MFN1: variants seen among roughly 807,000 people sequenced by gnomAD.
The protein encoded by MFN1 is mitofusin 1, also known as mitofusin-1.
MFN1 carries 65 observed loss-of-function variants against 92.4 expected under a neutral mutation model. The observed-to-expected ratio is 0.70, with a 90% CI of 0.58 to 0.86. The LOEUF (loss-of-function observed/expected upper bound fraction) is 0.86, where lower values mean the gene tolerates loss of function less well. Ranked by LOEUF, MFN1 falls within the 40% of genes least tolerant of loss-of-function variation. The pLI, the probability that MFN1 is intolerant of heterozygous loss-of-function variation, is 0.00. For synonymous variants in MFN1, 297 were observed against 300.9 expected, an observed-to-expected ratio of 0.99 and a Z score of 0.13; for missense variants, 781 against 868.0, an observed-to-expected ratio of 0.90 and a Z score of 1.26.
At chr3:179,385,540 CT>C in intron 14 of MFN1, 28 bp from the exon 15 acceptor site, 1 of 1,516,756 alleles carries the variant, frequency 6.6e-7, no homozygotes, top group Non-Finnish European at 8.7e-7. Context: ...TAAGTGTAAT[CT>C]TTTTTCCTTT....
rs886688952 is a variant in MFN1 at position 179,393,412 on chromosome 3, T to A, written c.*1353T>A. 2.0e-5 allele frequency: 3 copies of A among 152,074 alleles called. No individual in the cohort carries two copies. The highest frequency in any genetic ancestry group is 7.2e-5 in the African/African-American group (3 of 41,390). 9.4% of individuals were successfully genotyped at this position (152,074 alleles called of 1,614,324 possible). A position where few individuals can be genotyped will look rare whatever the true frequency, so the allele number is the denominator to read the frequency against. On this transcript the variant is annotated 3_prime_UTR_variant, in exon 18 of 18. Transcript: ENST00000471841. ...TCCTTTTCATGGGAGGGATAAAATTTAAAGCTTTTTTTTTCTTTGAATACA... is the reference window on the plus strand; with the variant it reads ...TCCTTTTCATGGGAGGGATAAAATTAAAAGCTTTTTTTTTCTTTGAATACA...
chr3:179,393,755 C>T lies in MFN1; in HGVS notation c.*1696C>T, dbSNP rs2108565948. ...TAGGTTACAAAACTCAAGGCTGTAACCTTTATATGAAAGTACTTAAGCTTG... is the reference window on the plus strand; with the variant it reads ...TAGGTTACAAAACTCAAGGCTGTAATCTTTATATGAAAGTACTTAAGCTTG... On this transcript the variant is annotated 3_prime_UTR_variant, in exon 18 of 18. Coordinates refer to ENST00000471841, the MANE Select transcript of MFN1 (RefSeq NM_033540.3). The T allele has an allele frequency of 6.6e-6, 1 of 152,276 alleles. No homozygotes were observed. Among genetic ancestry groups the T allele is most frequent in the South Asian group, 2.1e-4 (1 of 4,832 alleles). The allele number at this position is 152,276 out of a possible 1,614,324, so 9.4% of individuals were successfully genotyped here.
chr3:179,365,223 G>A lies in MFN1; in HGVS notation c.751G>A (p.Asp251Asn), dbSNP rs1712739760. Residue 251 changes from aspartate (D) to asparagine (N), a missense_variant and splice_region_variant, in exon 7 of 18, where the codon GAC becomes AAC. Coordinates refer to ENST00000471841, the MANE Select transcript of MFN1 (RefSeq NM_033540.3). ...ASASEPEYMEDVRRQHMERCL... is the reference protein window; with the variant it reads ...ASASEPEYMENVRRQHMERCL... The stretch of plus-strand genomic sequence containing the variant: ...TGCATCAGAGCCAGAATATATGGAA[G>A]ACGTAAGTTGTTATTTTTTTTTTTG... The A allele has an allele frequency of 6.6e-7, 1 of 1,515,792 alleles. No individual in the cohort carries two copies. Among genetic ancestry groups the A allele is most frequent in the Non-Finnish European group, 8.8e-7 (1 of 1,135,048 alleles). 93.9% of individuals were successfully genotyped at this position (1,515,792 alleles called of 1,614,324 possible).
intron 9 of MFN1, among the ~76,000 whole-genome samples, chr3:179,368,598 C>T (rs1364922141): frequency 6.6e-6 from 1 of 152,184 alleles, no homozygotes; most frequent in African/African-American, 2.4e-5. Flanking sequence ...TTGTGCCAAA[C>T]ATTCTAAATG....
At chr3:179,381,140 C>G (rs1436153797) in intron 14 of MFN1, among the ~76,000 whole-genome samples, 4 of 152,112 alleles carry the variant, frequency 2.6e-5, no homozygotes, top group Admixed American at 2.6e-4. Flanking sequence ...AGAACAACTG[C>G]CTATAGGCAG....
At chr3:179,372,369 T>A (rs9869905) in intron 9 of MFN1, among the ~76,000 whole-genome samples, 19,240 of 151,576 alleles carry the variant, frequency 0.13, 4,048 homozygotes, top group African/African-American at 0.44. Flanking sequence ...TATATAAATT[T>A]ATATTATTAA....
At chr3:179,364,694 G>A (rs1429318023) in intron 6 of MFN1, among the ~76,000 whole-genome samples, 1 of 152,126 alleles carries the variant, frequency 6.6e-6, no homozygotes, top group Non-Finnish European at 1.5e-5. Context: ...GCTTATTTAA[G>A]TCTCTTGAAT....
intron 9 of MFN1, among the ~76,000 whole-genome samples, chr3:179,371,022 C>CT (rs1192139237): frequency 3.3e-5 from 5 of 151,944 alleles, no homozygotes; most frequent in Admixed American, 6.6e-5. Flanking sequence ...GATTTGCTTA[C>CT]TTTTTTTTGT....
intron 14 of MFN1, among the ~76,000 whole-genome samples, chr3:179,381,406 A>G (rs1713462324): frequency 6.6e-6 from 1 of 152,208 alleles, no homozygotes; most frequent in South Asian, 2.1e-4. Flanking sequence ...CTTTTTAATC[A>G]AAACATAACA....
intron 9 of MFN1, among the ~76,000 whole-genome samples, chr3:179,368,793 C>A (rs1273572260): frequency 1.3e-5 from 2 of 152,084 alleles, no homozygotes; most frequent in Non-Finnish European, 2.9e-5. Context: ...CTTCTGAACC[C>A]CTATTTTGCC....
chr3:179,377,246 T>C (rs1713275149), intron 11 of MFN1, 78 bp downstream of exon 11: 3 of 1,539,420 alleles, frequency 1.9e-6, no homozygotes, highest in Non-Finnish European at 1.8e-6. Flanking sequence ...TTATTCCTGT[T>C]ACTTTAAAAG....
chr3:179,384,380 T>C (rs566956854), intron 14 of MFN1, among the ~76,000 whole-genome samples: 1 of 152,312 alleles, frequency 6.6e-6, no homozygotes, highest in South Asian at 2.1e-4. Flanking sequence ...TAGGTTTGAT[T>C]TGCATTTCCC....
intron 2 of MFN1, among the ~76,000 whole-genome samples, chr3:179,351,567 A>T (rs187694443): frequency 2.6e-5 from 4 of 152,288 alleles, no homozygotes; most frequent in African/African-American, 9.6e-5. Flanking sequence ...AGATCTGAAG[A>T]TCCATTCAGT....
intron 4 of MFN1, 125 bp from the exon 5 acceptor site, chr3:179,362,233 G>A (rs1441934529): frequency 1.0e-6 from 1 of 986,742 alleles, no homozygotes; most frequent in Non-Finnish European, 1.4e-6. Context: ...TGCTCAGAAG[G>A]TTTTATTTCA....
At chr3:179,355,687 C>T (rs982671788) in intron 3 of MFN1, among the ~76,000 whole-genome samples, 2 of 151,434 alleles carry the variant, frequency 1.3e-5, no homozygotes, top group South Asian at 2.1e-4. Context: ...CGTGGTGGCT[C>T]ACACCTATAA....
At chr3:179,384,552 C>T (rs1402173924) in intron 14 of MFN1, among the ~76,000 whole-genome samples, 1 of 152,202 alleles carries the variant, frequency 6.6e-6, no homozygotes, top group East Asian at 1.9e-4. Context: ...TCCTTTCTCA[C>T]ATATATGATT....
intron 14 of MFN1, among the ~76,000 whole-genome samples, chr3:179,382,660 A>G (rs1339954392): frequency 6.6e-6 from 1 of 152,228 alleles, no homozygotes; most frequent in East Asian, 1.9e-4. Context: ...GTCTTCCACA[A>G]TGGTTGAACT....
At chr3:179,368,154 G>C in intron 9 of MFN1, 51 bp downstream of exon 9, 1 of 1,360,298 alleles carries the variant, frequency 7.4e-7, no homozygotes, top group Middle Eastern at 1.9e-4. Context: ...TCTTTGGTTG[G>C]AGAAAGCATA....
intron 3 of MFN1, among the ~76,000 whole-genome samples, chr3:179,356,111 C>T (rs1225176090): frequency 6.6e-6 from 1 of 152,174 alleles, no homozygotes; most frequent in East Asian, 1.9e-4. Context: ...TCATAATGAG[C>T]CCTTTTTAAT....
Sources: allele counts gnomAD v4.1 joint callset (sites outside exome capture counted in the v4.1 genomes callset), GRCh38; gene constraint gnomAD v4.1.1; transcripts MANE v1.5; gene names NCBI Gene and HGNC (gene_info 2026-07-23, HGNC 2026-07-21).